EHMT2: variants seen among roughly 807,000 people sequenced by gnomAD.
The protein encoded by EHMT2 is histone-lysine N-methyltransferase EHMT2.
Under a neutral mutation model 143.3 loss-of-function variants are expected in EHMT2, and 59 were observed. That is an observed-to-expected ratio of 0.41 (90% CI 0.33 to 0.51). The LOEUF (loss-of-function observed/expected upper bound fraction) is 0.51, where lower values mean the gene tolerates loss of function less well. Among genes scored for constraint, EHMT2 ranks in the 20% least tolerant of loss-of-function variants. The probability of loss-of-function intolerance (pLI) is 0.18; values close to 1 mark genes in which losing one functional copy is unlikely to be tolerated. For missense variants in EHMT2, 1,174 were observed against 1,645.9 expected, an observed-to-expected ratio of 0.71 and a Z score of 4.96; for synonymous variants, 604 against 651.5, an observed-to-expected ratio of 0.93 and a Z score of 1.11.
chr6:31,881,379 A>G lies in EHMT2; in HGVS notation c.3198-287T>C, dbSNP rs879382253. On this transcript the variant is annotated intron_variant, in intron 25 of 27. Coordinates refer to ENST00000375537, the Ensembl canonical transcript of EHMT2. This position sits in a 1 kb window ranked among gnomAD's most constrained non-coding sequence, Gnocchi z 4.8. ...TGGGGAAGTTCGGGTTTGGACACAG[A>G]GAGGTTTGTGTTCCAGGAGCCACCC... The G allele has an allele frequency of 4.2e-5, 23 of 543,138 alleles. No homozygotes were observed. The Admixed American group carries it at 7.2e-4, about 17-fold the overall frequency. 33.6% of individuals were successfully genotyped at this position (543,138 alleles called of 1,614,324 possible). A position where few individuals can be genotyped will look rare whatever the true frequency, so the allele number is the denominator to read the frequency against.
intron 1 of EHMT2, 57 bp from the exon 2 acceptor site, chr6:31,897,046 T>C (rs536740679): frequency 4.6e-6 from 7 of 1,510,502 alleles, no homozygotes; most frequent in Non-Finnish European, 6.2e-6. Flanking sequence ...AGTTGGGGGG[T>C]CCAGGATGCC....
rs1763991922 is a variant in EHMT2, at chr6:31,880,688, G to T, written c.3437C>A (p.Thr1146Asn). 3 of 1,613,724 alleles carry T rather than the reference G, an allele frequency of 1.9e-6. No homozygotes were observed. The highest frequency in any genetic ancestry group is 2.5e-6 in the Non-Finnish European group (3 of 1,180,034). The change falls in exon 27 of 28, where the codon ACT (threonine) becomes AAT (asparagine). Residue 1146 changes from threonine (T) to asparagine (N), a missense_variant. Physicochemically the swap from Thr to Asn is moderately conservative, Grantham distance 65. This residue lies in a region of EHMT2 where 44 missense variants were observed against 113.5 expected (regional missense o/e 0.39). Coordinates refer to ENST00000375537, the Ensembl canonical transcript of EHMT2. This position sits in a 1 kb window ranked among gnomAD's most constrained non-coding sequence, Gnocchi z 6.6. ...AGAGTCTCACCCTAGCTCCTCCCCAGTCCGGATGTCTCGGGAACTGAAGAA... is the reference window on the plus strand; with the variant it reads ...AGAGTCTCACCCTAGCTCCTCCCCATTCCGGATGTCTCGGGAACTGAAGAA...
At position 31,885,011 on chromosome 6, in the gene EHMT2, ACT is replaced by A; in HGVS notation, c.2347_2348del (p.Ser783TrpfsTer32). 6.2e-7 allele frequency: 1 copy of A among 1,605,818 alleles called. No individual in the cohort carries two copies. Among genetic ancestry groups the A allele is most frequent in the Admixed American group, 1.7e-5 (1 of 59,760 alleles). ...CCCAGATGATGGGCGTCCACCCCCC[ACT>A]GTCCTGTGGGTGGGAAGGGAGTGAG... is the stretch of plus-strand genomic sequence containing the variant. On this transcript the variant is annotated frameshift_variant, in exon 19 of 28. Coordinates refer to ENST00000375537, the Ensembl canonical transcript of EHMT2. LOFTEE classifies it high-confidence loss of function.
chr6:31,880,308 C>G lies in EHMT2; in HGVS notation c.3453-44G>C. ...AGCTTGTGGGACCTGGACCCAGCCA[C>G]CAAGAGCCCACCCCGAAGACCCTGT... On this transcript the variant is annotated intron_variant, in intron 27 of 27. Coordinates refer to ENST00000375537, the Ensembl canonical transcript of EHMT2. This position sits in a 1 kb window ranked among gnomAD's most constrained non-coding sequence, Gnocchi z 6.6. 6.3e-7 allele frequency: 1 copy of G among 1,590,452 alleles called. No homozygotes were observed. Among genetic ancestry groups the G allele is most frequent in the African/African-American group, 1.3e-5 (1 of 74,478 alleles).
At chr6:31,879,822 C>T (rs977022895) in exon 28 of EHMT2, 2 of 521,686 alleles carry the variant, frequency 3.8e-6, no homozygotes, top group African/African-American at 1.9e-5. Context: ...GGCCCGACTT[C>T]AATTCATCAA....
rs377663072 is a variant in EHMT2 at position 31,889,292 on chromosome 6, G to T, written c.1050C>A (p.Ser350Arg). 7.2e-5 allele frequency: 116 copies of T among 1,612,222 alleles called. No homozygotes were observed. Among genetic ancestry groups the T allele is most frequent in the Non-Finnish European group, 9.6e-5 (113 of 1,180,008 alleles). ...GTTTCCGAGACGGCTTCACCCATGGGCTGTCTTTTCGCCATTTCTTCTTGG... is the reference window on the plus strand; with the variant it reads ...GTTTCCGAGACGGCTTCACCCATGGTCTGTCTTTTCGCCATTTCTTCTTGG... The change falls in exon 9 of 28, where the codon AGC becomes AGA. Residue 350 changes from serine to arginine, a missense_variant. Transcript: ENST00000375537. This position sits in a 1 kb window ranked among gnomAD's most constrained non-coding sequence, Gnocchi z 5.1.
At chr6:31,896,192 C>G (rs758868982) in intron 4 of EHMT2, 71 bp downstream of exon 4, 2 of 1,535,694 alleles carry the variant, frequency 1.3e-6, no homozygotes, top group Non-Finnish European at 1.8e-6. Flanking sequence ...GAGTAGAAGC[C>G]TTAAGTGAAA....
Position 31,888,680 on chromosome 6 carries a change from G to A in EHMT2, c.1284C>T (p.Cys428=). ...GGTCAATCTTGGGTGCCTCCATGCGGCAGCTGCACAGGGGCAACTCCTCAA... is the reference window on the plus strand; with the variant it reads ...GGTCAATCTTGGGTGCCTCCATGCGACAGCTGCACAGGGGCAACTCCTCAA... Residue 428 remains cysteine, a synonymous_variant, in exon 11 of 28, where the codon TGC becomes TGT. Coordinates refer to ENST00000375537, the Ensembl canonical transcript of EHMT2. This position sits in a 1 kb window ranked among gnomAD's most constrained non-coding sequence, Gnocchi z 7.4. 1 of 1,613,788 alleles carries A rather than the reference G, an allele frequency of 6.2e-7. No homozygotes were observed. The highest frequency in any genetic ancestry group is 1.7e-5 in the Admixed American group (1 of 60,016).
chr6:31,894,279 G>A (rs957005631), intron 4 of EHMT2, among the ~76,000 whole-genome samples: 12 of 151,616 alleles, frequency 7.9e-5, no homozygotes, highest in Middle Eastern at 3.2e-3. Context: ...CCCAAGTAGC[G>A]GACTGTTACA....
intron 25 of EHMT2, among the ~76,000 whole-genome samples, chr6:31,882,386 C>T (rs530715532): frequency 7.8e-4 from 119 of 151,978 alleles, no homozygotes; most frequent in African/African-American, 2.8e-3. Flanking sequence ...GTCTCCCAAA[C>T]TGGCACTTTC....
chr6:31,888,883 G>T lies in EHMT2; in HGVS notation c.1216+86C>A. 6.7e-7 allele frequency: 1 copy of T among 1,493,628 alleles called. No homozygotes were observed. Among genetic ancestry groups the T allele is most frequent in the Non-Finnish European group, 9.1e-7 (1 of 1,098,916 alleles). 92.5% of individuals were successfully genotyped at this position (1,493,628 alleles called of 1,614,324 possible). On this transcript the variant is annotated intron_variant, in intron 10 of 27. Transcript: ENST00000375537. The surrounding 1 kb of genome is among the most constrained non-coding windows in gnomAD (Gnocchi z 7.4). ...CTAAAGCCTGGCCATGGACACCCCG[G>T]CTCTGGCGTGGTTCCCCTCCTTCCC...
In EHMT2 at chr6:31,888,922, C is replaced by T. The variant is rs1359990970; in HGVS notation, c.1216+47G>A. ...CCCCTCCTTCCCTTTCCCTCCTGCC[C>T]TGAGGTCGCCCCCTAGTGGCTCCCT... is the stretch of plus-strand genomic sequence containing the variant. On this transcript the variant is annotated intron_variant, in intron 10 of 27. Transcript: ENST00000375537. This position sits in a 1 kb window ranked among gnomAD's most constrained non-coding sequence, Gnocchi z 7.4. 3 of 1,547,802 alleles carry T rather than the reference C, an allele frequency of 1.9e-6. No individual in the cohort carries two copies. The highest frequency in any genetic ancestry group is 2.6e-6 in the Non-Finnish European group (3 of 1,139,396).
chr6:31,896,341 AG>A lies in EHMT2; in HGVS notation c.503del (p.Pro168LeufsTer43). 6.2e-7 allele frequency: 1 copy of A among 1,612,770 alleles called. No individual in the cohort carries two copies. The highest frequency in any genetic ancestry group is 8.5e-7 in the Non-Finnish European group (1 of 1,179,984). ...GTCCCTCTGGGCTCGTGGTGGCTGGAGGGGGTTCAGACCCTGCTGCTGCAGC... is the reference window on the plus strand; with the variant it reads ...GTCCCTCTGGGCTCGTGGTGGCTGGAGGGGTTCAGACCCTGCTGCTGCAGC... On this transcript the variant is annotated frameshift_variant, in exon 4 of 28. Transcript: ENST00000375537. LOFTEE classifies it high-confidence loss of function.
intron 7 of EHMT2, among the ~76,000 whole-genome samples, chr6:31,891,112 T>A (rs910976962): frequency 2.0e-5 from 3 of 151,876 alleles, no homozygotes; most frequent in Non-Finnish European, 4.4e-5. Context: ...CCAGCTAATT[T>A]TGTATTTTTT....
At chr6:31,896,869 C>T in intron 2 of EHMT2, 45 bp from the exon 3 acceptor site, 3 of 1,612,142 alleles carry the variant, frequency 1.9e-6, no homozygotes, top group East Asian at 2.2e-5. Flanking sequence ...CTCAGGAGAT[C>T]CTGTGTTTAG....
rs1764116594 is a variant in EHMT2, at chr6:31,881,592, A to AAGAGGACTGTGGTGGGAGAAGTGGGT, written c.3198-501_3198-500insACCCACTTCTCCCACCACAGTCCTCT. 1.6e-4 allele frequency: 30 copies of AAGAGGACTGTGGTGGGAGAAGTGGGT among 191,310 alleles called. 1 individual carries two copies. The South Asian group carries it at 3.2e-3, about 21-fold the overall frequency. 11.9% of individuals were successfully genotyped at this position (191,310 alleles called of 1,614,324 possible). On this transcript the variant is annotated intron_variant, in intron 25 of 27. Transcript: ENST00000375537. This position sits in a 1 kb window ranked among gnomAD's most constrained non-coding sequence, Gnocchi z 4.8. ...AGACATGGGAGATTCAGACACACGG[A>AAGAGGACTGTGGTGGGAGAAGTGGGT]GAGGACGTGGGTGGGAAGTGACTGT...
chr6:31,891,049 T>C (rs1765617568), intron 7 of EHMT2, among the ~76,000 whole-genome samples: 1 of 151,918 alleles, frequency 6.6e-6, no homozygotes, highest in East Asian at 1.9e-4. Context: ...TTCAAGCGAT[T>C]CTCCTGCCTC....
chr6:31,889,394 C>G lies in EHMT2; in HGVS notation c.1000-52G>C, dbSNP rs200291347. The G allele has an allele frequency of 7.5e-5, 121 of 1,608,742 alleles. No individual in the cohort carries two copies. The highest frequency in any genetic ancestry group is 2.2e-5 in the South Asian group (2 of 90,626). On this transcript the variant is annotated intron_variant, in intron 8 of 27. Coordinates refer to ENST00000375537, the Ensembl canonical transcript of EHMT2. The surrounding 1 kb of genome is among the most constrained non-coding windows in gnomAD (Gnocchi z 5.1). Reference sequence around the variant, plus strand: ...GGAACCCTCACCCCCAGGGGCCCCCCCAACACCTTCAGGACCAGACCTCCA... The same window carrying G: ...GGAACCCTCACCCCCAGGGGCCCCCGCAACACCTTCAGGACCAGACCTCCA...
chr6:31,897,031 TAG>T (rs773739855), intron 1 of EHMT2, 42 bp from the exon 2 acceptor site: 2 of 1,527,948 alleles, frequency 1.3e-6, no homozygotes, highest in Non-Finnish European at 1.8e-6. Context: ...GTCAGCCCAG[TAG>T]AGAGTTGGGG....
Sources: allele counts gnomAD v4.1 joint callset (sites outside exome capture counted in the v4.1 genomes callset), GRCh38; gene constraint gnomAD v4.1.1; regional missense constraint gnomAD v4.1.1; non-coding constraint Gnocchi (gnomAD v3.1); transcripts MANE v1.5; gene names NCBI Gene and HGNC (gene_info 2026-07-23, HGNC 2026-07-21).